The following RIMS2 variants were observed in gnomAD, a reference collection of about 807,000 sequenced individuals.
RIMS2 encodes the protein regulating synaptic membrane exocytosis protein 2.
In RIMS2, 59 loss-of-function variants were observed where a neutral mutation model predicts 174.4. The ratio of observed to expected loss-of-function variants is 0.34; its 90% confidence interval spans 0.27 to 0.42. The LOEUF (loss-of-function observed/expected upper bound fraction) is 0.42. Ranked by LOEUF, RIMS2 falls within the 10% of genes least tolerant of loss-of-function variation. RIMS2 has a pLI of 1.00. For synonymous variants in RIMS2, 606 were observed against 572.5 expected, an observed-to-expected ratio of 1.06 and a Z score of -0.84; for missense variants, 1,620 against 1,666.3, an observed-to-expected ratio of 0.97 and a Z score of 0.48.
intron 20 of RIMS2, among the ~76,000 whole-genome samples, chr8:104,245,778 A>G (rs1329110987): frequency 6.6e-6 from 1 of 152,228 alleles, no homozygotes; most frequent in Non-Finnish European, 1.5e-5. Flanking sequence ...ATGTGTGGCC[A>G]GTTTACAGAT....
intron 1 of RIMS2, among the ~76,000 whole-genome samples, chr8:103,611,138 G>A (rs1342393166): frequency 6.6e-6 from 1 of 151,770 alleles, no homozygotes; most frequent in Non-Finnish European, 1.5e-5. Context: ...TAGTCCCTGA[G>A]GGTTTTTTGT....
chr8:103,596,889 G>A lies in RIMS2; in HGVS notation c.176+95827G>A, dbSNP rs191971294. On this transcript the variant is annotated intron_variant, in intron 1 of 23. Coordinates refer to ENST00000504942, the Ensembl canonical transcript of RIMS2. ...GTAATAATTGCATCACTAATTTGCT[G>A]AGCTCTATTGGAAATAATTTATTAG... Among the ~76,000 whole-genome samples, 261 of 152,104 alleles carry A rather than the reference G, an allele frequency of 1.7e-3. 3 individuals are homozygous for A. The highest frequency in any genetic ancestry group is 6.0e-3 in the African/African-American group (250 of 41,512).
At chr8:103,790,486 T>G (rs1263804347) in intron 3 of RIMS2, among the ~76,000 whole-genome samples, 1 of 152,228 alleles carries the variant, frequency 6.6e-6, no homozygotes, top group Admixed American at 6.5e-5. Context: ...ACCACATTTC[T>G]TTTATTCATC....
intron 3 of RIMS2, among the ~76,000 whole-genome samples, chr8:103,870,352 C>T (rs2099104773): frequency 6.6e-6 from 1 of 151,652 alleles, no homozygotes; most frequent in Admixed American, 6.6e-5. Flanking sequence ...ACTCTTATCA[C>T]CACCACCACC....
At chr8:104,187,054 G>A (rs2098972000) in intron 19 of RIMS2, among the ~76,000 whole-genome samples, 1 of 151,764 alleles carries the variant, frequency 6.6e-6, no homozygotes, top group Non-Finnish European at 1.5e-5. Flanking sequence ...ATGAAACAAA[G>A]TCATAGTACT....
intron 2 of RIMS2, among the ~76,000 whole-genome samples, chr8:103,744,497 A>C (rs2097789403): frequency 6.6e-6 from 1 of 152,156 alleles, no homozygotes; most frequent in Non-Finnish European, 1.5e-5. Flanking sequence ...TTTATGGAAC[A>C]ATTTACTTAA....
chr8:103,555,861 A>T (rs1450053272), intron 1 of RIMS2, among the ~76,000 whole-genome samples: 1 of 152,108 alleles, frequency 6.6e-6, no homozygotes, highest in Non-Finnish European at 1.5e-5. Context: ...TTAACTTTTA[A>T]AAAGAAGGAA....
At chr8:104,019,317 G>A (rs2096020559) in intron 19 of RIMS2, among the ~76,000 whole-genome samples, 1 of 152,032 alleles carries the variant, frequency 6.6e-6, no homozygotes, top group Non-Finnish European at 1.5e-5. Context: ...CAATTATCAA[G>A]TTTAATTGTA....
At chr8:103,785,122 A>G (rs1439733782) in intron 3 of RIMS2, among the ~76,000 whole-genome samples, 1 of 142,760 alleles carries the variant, frequency 7.0e-6, no homozygotes, top group African/African-American at 2.7e-5. Flanking sequence ...TTGATTTTGT[A>G]TCCTGAGACT....
intron 15 of RIMS2, among the ~76,000 whole-genome samples, chr8:103,965,577 C>A (rs1420564178): frequency 6.6e-6 from 1 of 152,044 alleles, no homozygotes; most frequent in Non-Finnish European, 1.5e-5. Context: ...CATAGACAAT[C>A]ATGGCATCAC....
intron 19 of RIMS2, among the ~76,000 whole-genome samples, chr8:104,241,213 A>G (rs1563952835): frequency 6.6e-6 from 1 of 152,212 alleles, no homozygotes; most frequent in Non-Finnish European, 1.5e-5. Flanking sequence ...ATATTCTGAC[A>G]GTGAAGTACT....
rs369377805 is a variant in RIMS2 at position 103,623,311 on chromosome 8, ATAAAT to A, written c.177-73770_177-73766del. ...CTGGTAGTTCAGATTAAGTAAAACA[ATAAAT>A]TAAAGTACAGAACACATTTTATTTC... On this transcript the variant is annotated intron_variant, in intron 1 of 23. Transcript: ENST00000504942. Among the ~76,000 whole-genome samples, 247 of 152,272 alleles carry A rather than the reference ATAAAT, an allele frequency of 1.6e-3. 2 individuals are homozygous for A. Among genetic ancestry groups the A allele is most frequent in the African/African-American group, 5.3e-3 (219 of 41,540 alleles).
intron 3 of RIMS2, among the ~76,000 whole-genome samples, chr8:103,803,866 A>G (rs2098632213): frequency 6.6e-6 from 1 of 152,154 alleles, no homozygotes. Flanking sequence ...TTGAGCCACA[A>G]GGAACTGAGG....
intron 6 of RIMS2, among the ~76,000 whole-genome samples, chr8:103,913,618 T>C (rs1227966290): frequency 1.3e-5 from 2 of 152,162 alleles, no homozygotes; most frequent in African/African-American, 4.8e-5. Context: ...AATCAGCTCA[T>C]AGTTCTGCAG....
At chr8:103,941,331 AAAAG>A (rs2082479898) in intron 13 of RIMS2, among the ~76,000 whole-genome samples, 1 of 152,060 alleles carries the variant, frequency 6.6e-6, no homozygotes, top group South Asian at 2.1e-4. Flanking sequence ...AATAAATAAA[AAAAG>A]AAATTAGCCA....
chr8:103,778,301 A>G (rs923937570), intron 3 of RIMS2, among the ~76,000 whole-genome samples: 3 of 152,084 alleles, frequency 2.0e-5, no homozygotes, highest in African/African-American at 7.2e-5. Context: ...TTTGAAATGT[A>G]CAATAGATTA....
chr8:103,712,923 TGTA>T (rs2097324680), intron 2 of RIMS2, among the ~76,000 whole-genome samples: 1 of 152,134 alleles, frequency 6.6e-6, no homozygotes, highest in African/African-American at 2.4e-5. Flanking sequence ...AAAATAAAAG[TGTA>T]GTAATAATCC....
intron 3 of RIMS2, among the ~76,000 whole-genome samples, chr8:103,878,893 C>A (rs767217677): frequency 8.7e-6 from 1 of 114,828 alleles, no homozygotes; most frequent in East Asian, 1.9e-4. Flanking sequence ...TTCACAGAAT[C>A]TTTTTGTTGT....
At chr8:104,061,184 C>A (rs567629011) in intron 19 of RIMS2, among the ~76,000 whole-genome samples, 81 of 152,132 alleles carry the variant, frequency 5.3e-4, no homozygotes, top group Non-Finnish European at 9.0e-4. Flanking sequence ...TAAAGTCTGC[C>A]GTTATTATTG....
Sources: gnomAD v4.1 joint callset for allele counts (sites outside exome capture counted in the v4.1 genomes callset) on GRCh38, gnomAD v4.1.1 for gene constraint, MANE v1.5 for transcripts, NCBI Gene and HGNC (gene_info 2026-07-23, HGNC 2026-07-21) for gene names.